NUP153: variants seen among roughly 807,000 people sequenced by gnomAD.
NUP153 encodes the protein nucleoporin 153.
Under a neutral mutation model 134.6 loss-of-function variants are expected in NUP153, and 27 were observed. The observed-to-expected ratio is 0.20, with a 90% CI of 0.15 to 0.28. The LOEUF (loss-of-function observed/expected upper bound fraction) is 0.28, where lower values mean the gene tolerates loss of function less well. Among genes scored for constraint, NUP153 ranks in the 10% least tolerant of loss-of-function variants. NUP153 has a pLI of 1.00. For missense variants in NUP153, 1,821 were observed against 1,731.3 expected, an observed-to-expected ratio of 1.05 and a Z score of -0.92; for synonymous variants, 640 against 623.5, an observed-to-expected ratio of 1.03 and a Z score of -0.40.
Position 17,625,813 on chromosome 6 carries a change from G to A in NUP153, c.3896C>T (p.Ser1299Phe). The change falls in exon 19 of 22, where the codon TCT becomes TTT. Residue 1299 changes from serine to phenylalanine, a missense_variant. Ser to Phe is a radical substitution (Grantham distance 155). Coordinates refer to ENST00000262077, the MANE Select transcript of NUP153 (RefSeq NM_005124.4). The surrounding 1 kb of genome is among the most constrained non-coding windows in gnomAD (Gnocchi z 4.7). ...TTTTTCTTTTGTAAATGTACCTGCA[G>A]AGCTAGATGTGGTTGTGGCTCCAAA... Reference protein sequence around the residue: ...FGFGATTTSSSAGSSFVFGTG... With the variant: ...FGFGATTTSSFAGSSFVFGTG... The A allele has an allele frequency of 6.2e-7, 1 of 1,611,284 alleles. No individual in the cohort carries two copies. The highest frequency in any genetic ancestry group is 8.5e-7 in the Non-Finnish European group (1 of 1,177,478).
In NUP153 at chr6:17,651,435, C is replaced by G. The variant is rs1581705401; in HGVS notation, c.1396-2135G>C. Among the ~76,000 whole-genome samples the G allele has an allele frequency of 2.0e-5, 3 of 152,086 alleles. No individual in the cohort carries two copies. In the East Asian group the frequency reaches 5.8e-4, roughly 29 times the overall value. On this transcript the variant is annotated intron_variant, in intron 11 of 21. Transcript: ENST00000262077. ...AGAAAACAGTGGATGAATGATAGCC[C>G]TCATTCCAACCATATCAAAAATTAT...
rs759847131 is a variant in NUP153 at position 17,688,609 on chromosome 6, T to C, written c.121A>G (p.Ser41Gly). ...TTCTTAACAGATTCTGTAACCCTGC[T>C]AAGAATGCCCTGTTGAGAGAAAAAA... is the stretch of plus-strand genomic sequence containing the variant. ...QGRQQHQGIL[S>G]RVTESVKNIV... Residue 41 changes from serine (S) to glycine (G), a missense_variant, in exon 2 of 22, where the codon AGC becomes GGC. Transcript: ENST00000262077. 2 of 1,610,984 alleles carry C rather than the reference T, an allele frequency of 1.2e-6. No individual in the cohort carries two copies. The highest frequency in any genetic ancestry group is 2.2e-5 in the South Asian group (2 of 90,986).
At chr6:17,651,123 A>AC (rs1766473563) in intron 11 of NUP153, among the ~76,000 whole-genome samples, 1 of 152,060 alleles carries the variant, frequency 6.6e-6, no homozygotes, top group South Asian at 2.1e-4. Context: ...ACACAGCAAG[A>AC]CCCCGTCTCT....
intron 20 of NUP153, among the ~76,000 whole-genome samples, chr6:17,623,656 G>C (rs1337301500): frequency 6.6e-6 from 1 of 152,088 alleles, no homozygotes; most frequent in African/African-American, 2.4e-5. Context: ...TAAATAAACT[G>C]CAGTATATTC....
At chr6:17,671,806 G>A (rs1456106898) in intron 5 of NUP153, among the ~76,000 whole-genome samples, 10 of 152,044 alleles carry the variant, frequency 6.6e-5, no homozygotes, top group African/African-American at 1.7e-4. Context: ...TCAGGAGTTC[G>A]AGACCAGCCT....
At chr6:17,667,404 C>G (rs4367384) in intron 8 of NUP153, among the ~76,000 whole-genome samples, 117,345 of 152,134 alleles carry the variant, frequency 0.77, 45,441 homozygotes, top group East Asian at 0.89. Flanking sequence ...ACTTGGTATT[C>G]CAAGAAATGT....
intron 2 of NUP153, 43 bp downstream of exon 2, chr6:17,688,353 T>G (rs750723665): frequency 7.9e-6 from 12 of 1,516,918 alleles, no homozygotes; most frequent in Non-Finnish European, 1.1e-5. Context: ...AATTAGGGCA[T>G]GAAAACCTAT....
chr6:17,616,508 CA>C lies in NUP153; in HGVS notation c.4343+18del. 1 of 1,587,564 alleles carries C rather than the reference CA, an allele frequency of 6.3e-7. No individual in the cohort carries two copies. The highest frequency in any genetic ancestry group is 8.6e-7 in the Non-Finnish European group (1 of 1,167,732). ...CCTTACCAATGTAACTTCTCCATTT[CA>C]ATAAAAAATTCTCTTACCCCACTGT... On this transcript the variant is annotated intron_variant, in intron 21 of 21. Coordinates refer to ENST00000262077, the MANE Select transcript of NUP153 (RefSeq NM_005124.4).
chr6:17,700,418 C>T (rs1341304917), intron 1 of NUP153, among the ~76,000 whole-genome samples: 1 of 152,198 alleles, frequency 6.6e-6, no homozygotes, highest in Non-Finnish European at 1.5e-5. Flanking sequence ...GACTCCATTA[C>T]ACTACAATGT....
intron 1 of NUP153, among the ~76,000 whole-genome samples, chr6:17,704,226 A>C (rs1770316894): frequency 6.6e-6 from 1 of 151,464 alleles, no homozygotes; most frequent in East Asian, 2.0e-4. Context: ...CGGGAGGCGG[A>C]GCTTGCAGTG....
At position 17,680,576 on chromosome 6, in the gene NUP153, G is replaced by A. The variant is rs1024250854; in HGVS notation, c.335-4806C>T. ...AACACTAAAAGCACAGGCCATGGAA[G>A]CAAAAACAGACAAACAGGACTACAT... On this transcript the variant is annotated intron_variant, in intron 2 of 21. Transcript: ENST00000262077. The surrounding 1 kb of genome is among the most constrained non-coding windows in gnomAD (Gnocchi z 4.5). Among the ~76,000 whole-genome samples, 4 of 152,136 alleles carry A rather than the reference G, an allele frequency of 2.6e-5. No individual in the cohort carries two copies. The highest frequency in any genetic ancestry group is 9.7e-5 in the African/African-American group (4 of 41,418).
Position 17,637,354 on chromosome 6 carries a change from T to C in NUP153, c.2263A>G (p.Lys755Glu), listed in dbSNP as rs1486297272. ...ACCACTGTCAATGTAAGGGCTCGCTTCACACAAGTTCCAGGTTTCGGTGTT... is the reference window on the plus strand; with the variant it reads ...ACCACTGTCAATGTAAGGGCTCGCTCCACACAAGTTCCAGGTTTCGGTGTT... ...CETPKPGTCV[K>E]RALTLTVVSE... Residue 755 changes from lysine to glutamate, a missense_variant, in exon 16 of 22, where the codon AAG (lysine) becomes GAG (glutamate). Transcript: ENST00000262077. 1.2e-6 allele frequency: 2 copies of C among 1,614,236 alleles called. No homozygotes were observed. The highest frequency in any genetic ancestry group is 1.7e-5 in the Admixed American group (1 of 60,028).
At chr6:17,650,579 C>T (rs1364499414) in intron 11 of NUP153, among the ~76,000 whole-genome samples, 2 of 152,084 alleles carry the variant, frequency 1.3e-5, no homozygotes, top group South Asian at 2.1e-4. Context: ...AAATAAATCA[C>T]AGCTCAATAA....
chr6:17,626,201 TAAG>T (rs759463868), intron 18 of NUP153, 37 bp from the exon 19 acceptor site: 17 of 1,510,642 alleles, frequency 1.1e-5, no homozygotes, highest in Admixed American at 3.5e-5. Context: ...CATAAATCCT[TAAG>T]AATAGTCTCA....
intron 1 of NUP153, among the ~76,000 whole-genome samples, chr6:17,689,362 G>A (rs1275230437): frequency 4.6e-5 from 7 of 151,636 alleles, no homozygotes; most frequent in Non-Finnish European, 5.9e-5. Context: ...ACTCTAGCCC[G>A]GGCAACAAGG....
At chr6:17,664,365 G>A (rs1019402768) in intron 9 of NUP153, among the ~76,000 whole-genome samples, 1 of 152,064 alleles carries the variant, frequency 6.6e-6, no homozygotes, top group Non-Finnish European at 1.5e-5. Context: ...TTAAATAGGA[G>A]AATTGTATGA....
Position 17,669,549 on chromosome 6 carries a change from G to A in NUP153, c.853-3C>T. 6.3e-7 allele frequency: 1 copy of A among 1,580,360 alleles called. No homozygotes were observed. Among genetic ancestry groups the A allele is most frequent in the East Asian group, 2.2e-5 (1 of 44,714 alleles). ...TTCATTTGTCTTCTAACTGGTGCCT[G>A]TAAAGTAAACCCTATATTATTTGTT... On this transcript the variant is annotated splice_region_variant and splice_polypyrimidine_tract_variant and intron_variant, in intron 5 of 21. Transcript: ENST00000262077.
At chr6:17,702,921 C>T (rs886682755) in intron 1 of NUP153, among the ~76,000 whole-genome samples, 2 of 122,478 alleles carry the variant, frequency 1.6e-5, no homozygotes, top group African/African-American at 5.8e-5. Context: ...GAATTTGGGC[C>T]GGGCGCGGTG....
At chr6:17,641,801 G>T (rs546264375) in intron 14 of NUP153, among the ~76,000 whole-genome samples, 76 of 151,718 alleles carry the variant, frequency 5.0e-4, no homozygotes, top group African/African-American at 1.7e-3. Context: ...GCAGTGAAAC[G>T]AGCTTGCACA....
Sources: allele counts gnomAD v4.1 joint callset (sites outside exome capture counted in the v4.1 genomes callset), GRCh38; gene constraint gnomAD v4.1.1; non-coding constraint Gnocchi (gnomAD v3.1); transcripts MANE v1.5; gene names NCBI Gene and HGNC (gene_info 2026-07-23, HGNC 2026-07-21).